The following PTPRD variants were observed in gnomAD, a reference collection of about 807,000 sequenced individuals.
PTPRD encodes the protein protein tyrosine phosphatase receptor type D.
Under a neutral mutation model 214.5 loss-of-function variants are expected in PTPRD, and 34 were observed. That is an observed-to-expected ratio of 0.16 (90% confidence interval 0.12 to 0.21). The LOEUF is 0.21. PTPRD is among the 10% of genes least tolerant of loss of function. The pLI, the probability that PTPRD is intolerant of heterozygous loss-of-function variation, is 1.00. For synonymous variants in PTPRD, 1,128 were observed against 845.7 expected (o/e 1.33, Z -5.79); for missense variants, 2,545 against 2,398.7 (o/e 1.06, Z -1.27).
intron 8 of PTPRD, among the ~76,000 whole-genome samples, chr9:9,473,120 CT>C (rs2094745882): frequency 6.6e-6 from 1 of 152,146 alleles, no homozygotes. Flanking sequence ...TTATCTTCCC[CT>C]CTCCCTACAC....
At chr9:10,250,146 G>T (rs950317992) in intron 3 of PTPRD, among the ~76,000 whole-genome samples, 2 of 152,084 alleles carry the variant, frequency 1.3e-5, no homozygotes, top group South Asian at 2.1e-4. Flanking sequence ...CTTTAGCACA[G>T]CATAAAGTGA....
At chr9:9,877,600 A>G (rs1001576465) in intron 5 of PTPRD, among the ~76,000 whole-genome samples, 20 of 152,148 alleles carry the variant, frequency 1.3e-4, no homozygotes, top group Non-Finnish European at 1.0e-4. Context: ...TGAAGGTAAA[A>G]AGAATTCTTA....
At chr9:8,495,151 T>C (rs2097234514) in intron 26 of PTPRD, among the ~76,000 whole-genome samples, 1 of 152,224 alleles carries the variant, frequency 6.6e-6, no homozygotes, top group South Asian at 2.1e-4. Context: ...ACATTGTAAA[T>C]ATCTGCTAGA....
At chr9:9,358,048 AT>A (rs529597006) in intron 9 of PTPRD, among the ~76,000 whole-genome samples, 11 of 150,960 alleles carry the variant, frequency 7.3e-5, no homozygotes, top group South Asian at 2.1e-4. Flanking sequence ...TTTCTATAAG[AT>A]TTTTTTTGTT....
chr9:9,384,509 T>G (rs540667000), intron 9 of PTPRD, among the ~76,000 whole-genome samples: 1 of 151,776 alleles, frequency 6.6e-6, no homozygotes, highest in East Asian at 1.9e-4. Flanking sequence ...AAGTATTCAC[T>G]ACATTTTTAT....
intron 10 of PTPRD, among the ~76,000 whole-genome samples, chr9:9,116,121 G>C (rs1363179890): frequency 2.0e-5 from 3 of 151,976 alleles, no homozygotes; most frequent in African/African-American, 7.2e-5. Context: ...CTCACTACCT[G>C]GGTAACGGGA....
chr9:10,067,935 C>T (rs1485621606), intron 3 of PTPRD, among the ~76,000 whole-genome samples: 1 of 151,872 alleles, frequency 6.6e-6, no homozygotes, highest in Non-Finnish European at 1.5e-5. Context: ...GTTACTGAAC[C>T]TGAAGTTGGG....
At chr9:10,525,125 A>G (rs529194515) in intron 2 of PTPRD, among the ~76,000 whole-genome samples, 85 of 152,168 alleles carry the variant, frequency 5.6e-4, no homozygotes, top group African/African-American at 2.0e-3. Flanking sequence ...TTCCAAGAGA[A>G]TAAAGTTAGT....
intron 9 of PTPRD, among the ~76,000 whole-genome samples, chr9:9,390,725 C>G (rs1394751069): frequency 2.6e-5 from 4 of 152,120 alleles, no homozygotes; most frequent in Non-Finnish European, 5.9e-5. Flanking sequence ...TTAAGGAGGA[C>G]AGCAGGCACA....
chr9:10,164,712 A>G lies in PTPRD; in HGVS notation c.-544-130922T>C, dbSNP rs534924207. 3.3e-5 allele frequency among the ~76,000 whole-genome samples: 5 copies of G among 151,796 alleles called. 1 individual carries two copies. In the South Asian group the frequency reaches 1.0e-3, roughly 31 times the overall value. On this transcript the variant is annotated intron_variant, in intron 3 of 45. Coordinates refer to ENST00000381196, the MANE Select transcript of PTPRD (RefSeq NM_002839.4). The stretch of plus-strand genomic sequence containing the variant: ...GTTGGTATTCAAATAGAAGTACACA[A>G]AAGAGTATATTTTATTCAAATATAT...
chr9:9,015,199 T>C (rs1419979882), intron 11 of PTPRD, among the ~76,000 whole-genome samples: 2 of 152,104 alleles, frequency 1.3e-5, no homozygotes, highest in Non-Finnish European at 2.9e-5. Flanking sequence ...TGGGGGCTGG[T>C]AAAACAATGT....
At chr9:9,161,217 T>C (rs1029609960) in intron 10 of PTPRD, among the ~76,000 whole-genome samples, 2 of 152,092 alleles carry the variant, frequency 1.3e-5, no homozygotes, top group Non-Finnish European at 2.9e-5. Flanking sequence ...GAATGATAAG[T>C]GGAGGTGATA....
intron 10 of PTPRD, among the ~76,000 whole-genome samples, chr9:9,024,255 T>C (rs1589992450): frequency 6.6e-6 from 1 of 151,800 alleles, no homozygotes; most frequent in Non-Finnish European, 1.5e-5. Context: ...TTTGTTTAGT[T>C]AGTGCATAGT....
chr9:9,097,690 C>T (rs1409222316), intron 10 of PTPRD, among the ~76,000 whole-genome samples: 3 of 152,088 alleles, frequency 2.0e-5, no homozygotes, highest in African/African-American at 7.2e-5. Flanking sequence ...GATACCATGG[C>T]TCTTGATGCA....
chr9:10,406,036 C>G (rs565502161), intron 2 of PTPRD, among the ~76,000 whole-genome samples: 1 of 151,166 alleles, frequency 6.6e-6, no homozygotes, highest in South Asian at 2.1e-4. Context: ...GATACATTAG[C>G]TCAGATCAAT....
At chr9:8,879,723 C>G (rs1368681) in intron 11 of PTPRD, among the ~76,000 whole-genome samples, 39,279 of 152,028 alleles carry the variant, frequency 0.26, 5,239 homozygotes, top group East Asian at 0.35. Flanking sequence ...TTCCATTTGG[C>G]ATAACAATCT....
chr9:8,569,795 G>GAA (rs35481636), intron 14 of PTPRD, among the ~76,000 whole-genome samples: 1 of 151,772 alleles, frequency 6.6e-6, no homozygotes, highest in African/African-American at 2.4e-5. Flanking sequence ...ATATAAATTG[G>GAA]AAAAAACCAT....
At chr9:10,271,424 G>T (rs1360370425) in intron 3 of PTPRD, among the ~76,000 whole-genome samples, 1 of 150,724 alleles carries the variant, frequency 6.6e-6, no homozygotes, top group East Asian at 2.0e-4. Context: ...ATGGTTCAAA[G>T]AACATTGAAC....
chr9:10,498,706 T>C (rs928631840), intron 2 of PTPRD, among the ~76,000 whole-genome samples: 1 of 151,854 alleles, frequency 6.6e-6, no homozygotes, highest in East Asian at 1.9e-4. Context: ...AAGGTAAAAT[T>C]TTCACACCAA....
Sources: allele counts gnomAD v4.1 joint callset (sites outside exome capture counted in the v4.1 genomes callset), GRCh38; gene constraint gnomAD v4.1.1; transcripts MANE v1.5; gene names NCBI Gene and HGNC (gene_info 2026-07-23, HGNC 2026-07-21).